Variants in ANO4 observed in about 807,000 individuals in gnomAD.
ANO4 encodes anoctamin 4.
In ANO4, 69 loss-of-function variants were observed where a neutral mutation model predicts 141.9. The observed-to-expected ratio is 0.49, with a 90% CI of 0.40 to 0.59. ANO4 has a LOEUF of 0.59. Ranked by LOEUF, ANO4 falls within the 20% of genes least tolerant of loss-of-function variation. The pLI is 0.00. For synonymous variants in ANO4, 350 were observed against 394.3 expected, an observed-to-expected ratio of 0.89 and a Z score of 1.33; for missense variants, 894 against 1,162.2, an observed-to-expected ratio of 0.77 and a Z score of 3.36.
At position 100,873,565 on chromosome 12, in the gene ANO4, A is replaced by G. The variant is rs1326332650; in HGVS notation, c.-140-28081A>G. Among the ~76,000 whole-genome samples the G allele has an allele frequency of 6.6e-5, 10 of 152,214 alleles. 1 individual carries two copies. Among genetic ancestry groups the G allele is most frequent in the Admixed American group, 5.9e-4 (9 of 15,286 alleles). On this transcript the variant is annotated intron_variant, in intron 1 of 27. Coordinates refer to ENST00000392977, the MANE Select transcript of ANO4 (RefSeq NM_001286615.2). ...GAGTGGTGATTTAGGGTTTCTGGTT[A>G]AAGAAATGTCTAAGCAGCAAAACAT...
At chr12:101,066,376 C>T (rs1256065273) in intron 14 of ANO4, among the ~76,000 whole-genome samples, 1 of 152,128 alleles carries the variant, frequency 6.6e-6, no homozygotes, top group East Asian at 1.9e-4. Context: ...AAAGACTCCA[C>T]CAAAAATCTA....
Position 100,840,122 on chromosome 12 carries a change from A to AT in ANO4, c.-141+45095_-141+45096insT, listed in dbSNP as rs1209589695. On this transcript the variant is annotated intron_variant, in intron 1 of 27. Transcript: ENST00000392977. The stretch of plus-strand genomic sequence containing the variant: ...ACATGAAAAAGAAGTCCTTAAACCA[A>AT]AAATAATAATAATAATAATAACAAT... Among the ~76,000 whole-genome samples the AT allele has an allele frequency of 2.2e-4, 15 of 67,714 alleles. No individual in the cohort carries two copies. In the East Asian group the frequency reaches 2.5e-3, roughly 11 times the overall value. 44.4% of individuals were successfully genotyped at this position (67,714 alleles called of 152,430 possible).
chr12:100,892,783 GTT>G (rs548442362), intron 1 of ANO4, among the ~76,000 whole-genome samples: 1 of 145,912 alleles, frequency 6.9e-6, no homozygotes, highest in African/African-American at 2.5e-5. Flanking sequence ...TTTAATTGTA[GTT>G]TTTTTTTTTC....
rs185985100 is a variant in ANO4 at position 100,746,466 on chromosome 12, C to A, written c.358+6361C>A. Among the ~76,000 whole-genome samples the A allele has an allele frequency of 9.6e-4, 110 of 114,830 alleles. 2 individuals carry two copies. The highest frequency in any genetic ancestry group is 4.6e-3 in the Middle Eastern group (1 of 218). 75.3% of individuals were successfully genotyped at this position (114,830 alleles called of 152,430 possible). A position where few individuals can be genotyped will look rare whatever the true frequency, so the allele number is the denominator to read the frequency against. On this transcript the variant is annotated intron_variant, in intron 3 of 29. Transcript: ENST00000644049. ...AGACTCTGTTATTAAAAAGAATGAT[C>A]TTGAATCTAGAAGAAACGATGAAAT...
intron 12 of ANO4, among the ~76,000 whole-genome samples, chr12:101,043,306 T>C (rs1349844846): frequency 6.6e-6 from 1 of 152,232 alleles, no homozygotes; most frequent in East Asian, 1.9e-4. Flanking sequence ...TTCATGTATT[T>C]TCCTGAGTTT....
At chr12:100,877,137 A>G (rs2135944787) in intron 1 of ANO4, among the ~76,000 whole-genome samples, 1 of 152,294 alleles carries the variant, frequency 6.6e-6, no homozygotes, top group East Asian at 1.9e-4. Flanking sequence ...CGGATAAAGG[A>G]GAGCTGTTGT....
rs577786719 is a variant in ANO4 at position 100,737,114 on chromosome 12, C to A, written c.107-2740C>A. ...AAGGCTCTTGAATACTGCTTCAGTT[C>A]CCTGGCTCAAATTGGCTGAAACGAT... On this transcript the variant is annotated intron_variant, in intron 2 of 29. Transcript: ENST00000644049. 2.0e-3 allele frequency among the ~76,000 whole-genome samples: 303 copies of A among 152,262 alleles called. 2 individuals are homozygous for A. The highest frequency in any genetic ancestry group is 7.0e-3 in the African/African-American group (289 of 41,550).
intron 5 of ANO4, among the ~76,000 whole-genome samples, chr12:100,955,553 C>T (rs1305549097): frequency 6.6e-6 from 1 of 152,196 alleles, no homozygotes; most frequent in Non-Finnish European, 1.5e-5. Context: ...GATTCCACCT[C>T]TTGATGGAGA....
chr12:100,869,122 A>T (rs2038906091), intron 1 of ANO4, among the ~76,000 whole-genome samples: 1 of 152,184 alleles, frequency 6.6e-6, no homozygotes, highest in South Asian at 2.1e-4. Flanking sequence ...GAAACACTGA[A>T]TCCTAAATCC....
intron 1 of ANO4, among the ~76,000 whole-genome samples, chr12:100,858,311 C>T (rs576667908): frequency 7.2e-5 from 11 of 152,162 alleles, no homozygotes; most frequent in African/African-American, 2.6e-4. Flanking sequence ...AACTTTAACA[C>T]AGTGGTATTT....
intron 1 of ANO4, among the ~76,000 whole-genome samples, chr12:100,834,141 C>A (rs2036776018): frequency 6.6e-6 from 1 of 152,050 alleles, no homozygotes; most frequent in African/African-American, 2.4e-5. Context: ...AGTTGTTGAG[C>A]AAGCCACCAC....
chr12:100,974,034 CATT>C, intron 6 of ANO4, among the ~76,000 whole-genome samples: 1 of 152,238 alleles, frequency 6.6e-6, no homozygotes, highest in East Asian at 1.9e-4. Context: ...GCACCTGTTT[CATT>C]ATTATTCCAT....
intron 26 of ANO4, among the ~76,000 whole-genome samples, chr12:101,126,036 T>C (rs528289023): frequency 6.8e-5 from 9 of 132,872 alleles, no homozygotes; most frequent in Non-Finnish European, 1.2e-4. Flanking sequence ...AAAGGCTGCC[T>C]TATTTGGCTT....
intron 1 of ANO4, among the ~76,000 whole-genome samples, chr12:100,896,644 G>A (rs1479149394): frequency 2.0e-5 from 3 of 152,132 alleles, no homozygotes; most frequent in Non-Finnish European, 2.9e-5. Context: ...TGGGCTTTGG[G>A]AACTAATATA....
At chr12:100,984,411 A>G (rs563393345) in intron 7 of ANO4, among the ~76,000 whole-genome samples, 2 of 152,174 alleles carry the variant, frequency 1.3e-5, no homozygotes, top group Non-Finnish European at 2.9e-5. Context: ...CTTCCACCAC[A>G]GTTTTTTAAA....
chr12:100,736,768 A>G (rs2031636850), intron 2 of ANO4, among the ~76,000 whole-genome samples: 1 of 152,186 alleles, frequency 6.6e-6, no homozygotes, highest in African/African-American at 2.4e-5. Flanking sequence ...GAGACCATAC[A>G]GAGAGAGCTG....
chr12:100,979,926 G>C (rs970282252), intron 7 of ANO4, among the ~76,000 whole-genome samples: 1 of 112,122 alleles, frequency 8.9e-6, no homozygotes, highest in African/African-American at 3.3e-5. Context: ...ATTTTTAGTA[G>C]AGGCAGGGTT....
At chr12:100,901,495 G>T in intron 1 of ANO4, 151 bp from the exon 2 acceptor site, 1 of 465,068 alleles carries the variant, frequency 2.2e-6, no homozygotes, top group Non-Finnish European at 3.8e-6. Context: ...TCTTGTCTTG[G>T]TAACTAAGGA....
intron 3 of ANO4, among the ~76,000 whole-genome samples, chr12:100,763,171 G>T (rs1565861674): frequency 6.6e-6 from 1 of 152,150 alleles, no homozygotes; most frequent in Non-Finnish European, 1.5e-5. Flanking sequence ...TACTGGCAGG[G>T]AGTTTGTCTT....
Sources: gnomAD v4.1 joint callset for allele counts (sites outside exome capture counted in the v4.1 genomes callset) on GRCh38, gnomAD v4.1.1 for gene constraint, MANE v1.5 for transcripts, NCBI Gene and HGNC (gene_info 2026-07-23, HGNC 2026-07-21) for gene names.